KCNA3: variants seen among roughly 807,000 people sequenced by gnomAD.
KCNA3 encodes RP11-284N8.3.
Under a neutral mutation model 34.3 loss-of-function variants are expected in KCNA3, and 18 were observed. The ratio of observed to expected loss-of-function variants is 0.52; its 90% CI spans 0.36 to 0.78. KCNA3 has a LOEUF of 0.78. Among genes scored for constraint, KCNA3 ranks in the 30% least tolerant of loss-of-function variants. KCNA3 has a pLI of 0.00. For synonymous variants in KCNA3, 324 were observed against 351.7 expected (o/e 0.92, Z 0.88); for missense variants, 587 against 802.5 (o/e 0.73, Z 3.24).
chr1:110,673,198 T>C lies in KCNA3; in HGVS notation c.1612A>G (p.Asn538Asp), dbSNP rs762924096. 6 of 1,613,996 alleles carry C rather than the reference T, an allele frequency of 3.7e-6. No homozygotes were observed. The highest frequency in any genetic ancestry group is 1.7e-5 in the Admixed American group (1 of 59,996). Residue 538 changes from asparagine to aspartate, a missense_variant, in exon 1 of 1, where the codon AAC becomes GAC. Transcript: ENST00000369769. The surrounding 1 kb of genome is among the most constrained non-coding windows in gnomAD (Gnocchi z 8.8). ...GGGGTCTGGGGGAAAGCGCTATGGT[T>C]CATACCCCCCTCTTCGATCACCATA... ...EYMVIEEGGM[N>D]HSAFPQTPFK... is the part of the protein sequence containing the mutation.
Position 110,674,839 on chromosome 1 carries a change from C to CACCT in KCNA3, c.-31_-30insAGGT, listed in dbSNP as rs1652034302. 7.8e-7 allele frequency: 1 copy of CACCT among 1,289,408 alleles called. No homozygotes were observed. Among genetic ancestry groups the CACCT allele is most frequent in the South Asian group, 2.5e-5 (1 of 39,480 alleles). 79.9% of individuals were successfully genotyped at this position (1,289,408 alleles called of 1,614,324 possible). On this transcript the variant is annotated 5_prime_UTR_variant, in exon 1 of 1. Coordinates refer to ENST00000369769, the MANE Select transcript of KCNA3 (RefSeq NM_002232.5). The surrounding 1 kb of genome is among the most constrained non-coding windows in gnomAD (Gnocchi z 6.4). ...CGGGGAAGAGGCGGCAGCGGTGAGG[C>CACCT]CAGGTCGCTCCTCCTCGCGCTCCCC...
In KCNA3 at chr1:110,673,160, G is replaced by A. The variant is rs1027762969; in HGVS notation, c.1650C>T (p.Gly550=). 1 of 1,614,032 alleles carries A rather than the reference G, an allele frequency of 6.2e-7. No homozygotes were observed. The highest frequency in any genetic ancestry group is 1.3e-5 in the African/African-American group (1 of 74,902). The change falls in exon 1 of 1, where the codon GGC becomes GGT. Residue 550 remains glycine, a synonymous_variant. Transcript: ENST00000369769. This position sits in a 1 kb window ranked among gnomAD's most constrained non-coding sequence, Gnocchi z 8.8. ...TCGTGGTGCAGGTGGCAGTGGAATTGCCCGTTTTGAAAGGGGTCTGGGGGA... is the reference window on the plus strand; with the variant it reads ...TCGTGGTGCAGGTGGCAGTGGAATTACCCGTTTTGAAAGGGGTCTGGGGGA... ...SAFPQTPFKT[G]NSTATCTTNN...
the KCNA3 span, among the ~76,000 whole-genome samples, chr1:110,663,892 C>T: frequency 3.9e-5 from 6 of 152,096 alleles, no homozygotes; most frequent in Non-Finnish European, 8.8e-5. Context: ...TGAACAATCA[C>T]TTCAAAAAAT....
chr1:110,672,452 T>C (rs1428721693), downstream of KCNA3: 2 of 145,020 alleles, frequency 1.4e-5, no homozygotes, highest in Non-Finnish European at 3.1e-5. Context: ...AACTAATTAG[T>C]CAGATCAGGA....
chr1:110,658,304 A>G, the KCNA3 span, among the ~76,000 whole-genome samples: 1 of 152,312 alleles, frequency 6.6e-6, no homozygotes, highest in East Asian at 1.9e-4. Flanking sequence ...ATATTTTTAT[A>G]GTTACTAAAA....
At chr1:110,664,692 A>G in the KCNA3 span, among the ~76,000 whole-genome samples, 1 of 152,238 alleles carries the variant, frequency 6.6e-6, no homozygotes, top group Non-Finnish European at 1.5e-5. Context: ...GATACAGCAT[A>G]CTGAGCAGAC....
chr1:110,656,828 C>T, the KCNA3 span: 3 of 152,188 alleles, frequency 2.0e-5, no homozygotes, highest in South Asian at 2.1e-4. Context: ...ATGCTCTCCC[C>T]TCCTTTCTAG....
Position 110,673,064 on chromosome 1 carries a change from T to A in KCNA3, c.*18A>T, listed in dbSNP as rs201084914. 100 of 1,591,708 alleles carry A rather than the reference T, an allele frequency of 6.3e-5. No homozygotes were observed. Among genetic ancestry groups the A allele is most frequent in the Non-Finnish European group, 8.1e-5 (95 of 1,168,438 alleles). ...GTTCCACACAATACTGAGCACAGCA[T>A]GTCACTTGTATCACATATTAAACAT... On this transcript the variant is annotated 3_prime_UTR_variant, in exon 1 of 1. Transcript: ENST00000369769. The surrounding 1 kb of genome is among the most constrained non-coding windows in gnomAD (Gnocchi z 8.8).
chr1:110,669,833 A>G (rs141776708), downstream of KCNA3, among the ~76,000 whole-genome samples: 103 of 152,330 alleles, frequency 6.8e-4, no homozygotes, highest in East Asian at 0.018. Flanking sequence ...TATTATTCTT[A>G]TAATAGAAAG....
Position 110,674,648 on chromosome 1 carries a change from G to A in KCNA3, c.162C>T (p.Thr54=), listed in dbSNP as rs370572297. 2 of 1,532,068 alleles carry A rather than the reference G, an allele frequency of 1.3e-6. No individual in the cohort carries two copies. The highest frequency in any genetic ancestry group is 1.4e-5 in the African/African-American group (1 of 69,842). 94.9% of individuals were successfully genotyped at this position (1,532,068 alleles called of 1,614,324 possible). A position where few individuals can be genotyped will look rare whatever the true frequency, so the allele number is the denominator to read the frequency against. ...AAGRELPPDM[T]VVPGDHLLEP... is the part of the protein sequence containing the mutation. The stretch of plus-strand genomic sequence containing the variant: ...CCAGCAGGTGGTCCCCGGGCACCAC[G>A]GTCATGTCGGGCGGCAGCTCGCGGC... The change falls in exon 1 of 1, where the codon ACC becomes ACT. Residue 54 remains threonine, a synonymous_variant. Coordinates refer to ENST00000369769, the MANE Select transcript of KCNA3 (RefSeq NM_002232.5). The surrounding 1 kb of genome is among the most constrained non-coding windows in gnomAD (Gnocchi z 6.4).
the KCNA3 span, among the ~76,000 whole-genome samples, chr1:110,664,675 C>G: frequency 6.6e-6 from 1 of 152,232 alleles, no homozygotes; most frequent in Middle Eastern, 3.4e-3. Context: ...TATGCCAGGT[C>G]TTGGGTGATA....
chr1:110,661,045 A>T, the KCNA3 span, among the ~76,000 whole-genome samples: 61 of 152,216 alleles, frequency 4.0e-4, 1 homozygote, highest in African/African-American at 1.3e-3. Context: ...AGAAATTATA[A>T]AGACAAAAAT....
chr1:110,661,096 G>A, the KCNA3 span, among the ~76,000 whole-genome samples: 63,463 of 151,922 alleles, frequency 0.42, 13,527 homozygotes, highest in Middle Eastern at 0.5. Context: ...CCCAGCTCTG[G>A]GTTTGAATAT....
Position 110,674,123 on chromosome 1 carries a change from G to A in KCNA3, c.687C>T (p.Ser229=). ...QVWLLFEYPE[S]SGPARGIAIV... is the part of the protein sequence containing the mutation. ...TGGCGATGCCCCGGGCCGGCCCGGA[G>A]CTCTCGGGGTACTCGAAGAGCAGCC... The change falls in exon 1 of 1, where the codon AGC becomes AGT. Residue 229 remains serine (S), a synonymous_variant. Transcript: ENST00000369769. This position sits in a 1 kb window ranked among gnomAD's most constrained non-coding sequence, Gnocchi z 6.4. The A allele has an allele frequency of 3.7e-6, 6 of 1,612,232 alleles. No homozygotes were observed. The highest frequency in any genetic ancestry group is 1.1e-5 in the South Asian group (1 of 90,778).
chr1:110,671,745 T>A (rs2100948382), downstream of KCNA3, among the ~76,000 whole-genome samples: 1 of 152,320 alleles, frequency 6.6e-6, no homozygotes, highest in East Asian at 1.9e-4. Context: ...ATCGAATCTC[T>A]CATTTGCTTA....
At chr1:110,671,385 T>C (rs959179313), downstream of KCNA3, among the ~76,000 whole-genome samples, 1 of 152,234 alleles carries the variant, frequency 6.6e-6, no homozygotes, top group Non-Finnish European at 1.5e-5. Flanking sequence ...AACTGTTGGT[T>C]TGGCAAATAC....
Position 110,672,851 on chromosome 1 carries a change from A to C in KCNA3, c.*231T>G. The C allele has an allele frequency of 2.0e-6, 1 of 509,146 alleles. No individual in the cohort carries two copies. The highest frequency in any genetic ancestry group is 3.5e-6 in the Non-Finnish European group (1 of 287,790). 31.5% of individuals were successfully genotyped at this position (509,146 alleles called of 1,614,324 possible). A position where few individuals can be genotyped will look rare whatever the true frequency, so the allele number is the denominator to read the frequency against. On this transcript the variant is annotated 3_prime_UTR_variant, in exon 1 of 1. Coordinates refer to ENST00000369769, the MANE Select transcript of KCNA3 (RefSeq NM_002232.5). ...CGTAAGTCTGTTGTTTACAATGTTA[A>C]GAGAGAGAGGGTAAGAGGGAAAAGG...
At chr1:110,658,986 A>G in the KCNA3 span, among the ~76,000 whole-genome samples, 2 of 152,204 alleles carry the variant, frequency 1.3e-5, no homozygotes, top group African/African-American at 2.4e-5. Context: ...CATTTCTTTT[A>G]GGCAAGTCTG....
rs751072580 is a variant in KCNA3 at position 110,673,200 on chromosome 1, A to G, written c.1610T>C (p.Met537Thr). Residue 537 changes from methionine to threonine, a missense_variant, in exon 1 of 1, where the codon ATG becomes ACG. Around this residue, in one of 7 missense-constraint regions of KCNA3, gnomAD observed 95 missense variants for 107.3 expected, o/e 0.89. Coordinates refer to ENST00000369769, the MANE Select transcript of KCNA3 (RefSeq NM_002232.5). This position sits in a 1 kb window ranked among gnomAD's most constrained non-coding sequence, Gnocchi z 8.8. ...SEYMVIEEGG[M>T]NHSAFPQTPF... Reference sequence around the variant, plus strand: ...GGTCTGGGGGAAAGCGCTATGGTTCATACCCCCCTCTTCGATCACCATATA... The same window carrying G: ...GGTCTGGGGGAAAGCGCTATGGTTCGTACCCCCCTCTTCGATCACCATATA... 1.5e-5 allele frequency: 24 copies of G among 1,614,008 alleles called. No homozygotes were observed. In the African/African-American group the frequency reaches 2.5e-4, roughly 17 times the overall value.
Sources: allele counts gnomAD v4.1 joint callset (sites outside exome capture counted in the v4.1 genomes callset), GRCh38; gene constraint gnomAD v4.1.1; regional missense constraint gnomAD v4.1.1; non-coding constraint Gnocchi (gnomAD v3.1); transcripts MANE v1.5; gene names NCBI Gene and HGNC (gene_info 2026-07-23, HGNC 2026-07-21).